SIKE1: variants seen among roughly 807,000 people sequenced by gnomAD.
SIKE1 encodes suppressor of IKK epsilon.
A neutral mutation model predicts 25.8 loss-of-function variants in SIKE1; 13 were observed. The ratio of observed to expected loss-of-function variants is 0.50; its 90% CI spans 0.33 to 0.80. SIKE1 has a LOEUF of 0.80. SIKE1 is among the 30% of genes least tolerant of loss of function. The pLI, the probability that SIKE1 is intolerant of heterozygous loss-of-function variation, is 0.02. For missense variants in SIKE1, 222 were observed against 252.4 expected (o/e 0.88, Z 0.82); for synonymous variants, 86 against 95.5 (o/e 0.90, Z 0.58).
Position 114,779,198 on chromosome 1 carries a change from C to T in SIKE1, c.352G>A (p.Ala118Thr). The change falls in exon 3 of 5, where the codon GCT becomes ACT. Residue 118 changes from alanine to threonine, a missense_variant. Transcript: ENST00000060969. ...GGTTCAGCATCCACCGCTTTTTTAG[C>T]AACCATTAACTGTAACATCTGTTTC... ...YRKQMLQLMV[A>T]KKAVDAEPVL... 1 of 1,614,200 alleles carries T rather than the reference C, an allele frequency of 6.2e-7. No individual in the cohort carries two copies. The highest frequency in any genetic ancestry group is 8.5e-7 in the Non-Finnish European group (1 of 1,180,032).
rs1662140695 is a variant in SIKE1, at chr1:114,774,041, A to C, written c.*230T>G. The C allele has an allele frequency of 2.9e-6, 1 of 344,076 alleles. No individual in the cohort carries two copies. The highest frequency in any genetic ancestry group is 5.2e-6 in the Non-Finnish European group (1 of 191,314). 21.3% of individuals were successfully genotyped at this position (344,076 alleles called of 1,614,324 possible). On this transcript the variant is annotated 3_prime_UTR_variant, in exon 5 of 5. Transcript: ENST00000060969. ...ATCAAGGTCCCAGAAATGAAAATTA[A>C]AAGTAGTCTCTTTGAGAAAGGAATG...
In SIKE1 at chr1:114,780,632, G is replaced by A. The variant is rs1413219653; in HGVS notation, c.-25C>T. On this transcript the variant is annotated 5_prime_UTR_variant, in exon 1 of 5. Transcript: ENST00000060969. ...TAGCAGCAGCACCACCCCAGCCCCT[G>A]CCGGGCTCAGCTACGCGACTCGCTC... The A allele has an allele frequency of 1.9e-6, 3 of 1,570,424 alleles. No homozygotes were observed. Among genetic ancestry groups the A allele is most frequent in the Non-Finnish European group, 2.6e-6 (3 of 1,153,412 alleles).
chr1:114,778,815 C>T (rs1662322314), intron 3 of SIKE1: 1 of 294,792 alleles, frequency 3.4e-6, no homozygotes, highest in East Asian at 7.6e-5. Context: ...CGCTTGAGCC[C>T]AGGAGTTTCA....
In SIKE1 at chr1:114,772,043, T is replaced by C. The variant is rs1476500548; in HGVS notation, c.*2228A>G. ...GCATAAGGTATTAATATAAGAATTATACATAAGATATTGATATAATACTAC... is the reference window on the plus strand; with the variant it reads ...GCATAAGGTATTAATATAAGAATTACACATAAGATATTGATATAATACTAC... On this transcript the variant is annotated 3_prime_UTR_variant, in exon 5 of 5. Coordinates refer to ENST00000060969, the MANE Select transcript of SIKE1 (RefSeq NM_025073.3). 1 of 152,156 alleles carries C rather than the reference T, an allele frequency of 6.6e-6. No homozygotes were observed. Among genetic ancestry groups the C allele is most frequent in the Non-Finnish European group, 1.5e-5 (1 of 68,012 alleles). The allele number at this position is 152,156 out of a possible 1,614,324, so 9.4% of individuals were successfully genotyped here.
At position 114,780,458 on chromosome 1, in the gene SIKE1, A is replaced by C. The variant is rs915416531; in HGVS notation, c.150T>G (p.Leu50=). The C allele has an allele frequency of 2.2e-5, 36 of 1,612,864 alleles. No homozygotes were observed. The highest frequency in any genetic ancestry group is 3.0e-5 in the Non-Finnish European group (35 of 1,180,026). Residue 50 remains leucine (L), a synonymous_variant, in exon 1 of 5, where the codon CTT becomes CTG. Transcript: ENST00000060969. The part of the protein sequence containing the change: ...VAAMREAGTA[L]PDQYQEDASD... Reference sequence around the variant, plus strand: ...CTACCCTCTGCCTGACCTGGTCCGGAAGCGCTGTCCCCGCCTCCCGCATAG... The same window carrying C: ...CTACCCTCTGCCTGACCTGGTCCGGCAGCGCTGTCCCCGCCTCCCGCATAG...
In SIKE1 at chr1:114,780,549, C is replaced by G. The variant is rs746961345; in HGVS notation, c.59G>C (p.Arg20Pro). 1 of 1,613,698 alleles carries G rather than the reference C, an allele frequency of 6.2e-7. No homozygotes were observed. The highest frequency in any genetic ancestry group is 8.5e-7 in the Non-Finnish European group (1 of 1,180,020). The change falls in exon 1 of 5, where the codon CGG becomes CCG. Residue 20 changes from arginine to proline, a missense_variant. Physicochemically the swap from Arg to Pro is moderately radical, Grantham distance 103. Transcript: ENST00000060969. ...CGACTCGGCGGCCGCATCGTGCTCC[C>G]GTAGCCTCTCCAGCAGCGTCTTGGC... Reference protein sequence around the residue: ...TDAKTLLERLREHDAAAESLV... With the variant: ...TDAKTLLERLPEHDAAAESLV...
At position 114,780,109 on chromosome 1, in the gene SIKE1, CCT is replaced by C. The variant is rs760246948; in HGVS notation, c.264_265del (p.Glu89AlafsTer30). On this transcript the variant is annotated frameshift_variant and splice_region_variant, in exon 2 of 5. Transcript: ENST00000060969. LOFTEE classifies it high-confidence loss of function. ...ACCAGATATGAAAAGGCCTGACTAA[CCT>C]CTGTTTTCCTGTTGCAAGTCTCTAA... 6 of 1,604,850 alleles carry C rather than the reference CCT, an allele frequency of 3.7e-6. No homozygotes were observed. Among genetic ancestry groups the C allele is most frequent in the South Asian group, 3.3e-5 (3 of 90,490 alleles).
intron 2 of SIKE1, 133 bp from the exon 3 acceptor site, chr1:114,779,417 C>A: frequency 2.2e-6 from 2 of 892,694 alleles, no homozygotes; most frequent in Non-Finnish European, 3.3e-6. Flanking sequence ...TTTAAGTCCG[C>A]AAAACTGAAC....
In SIKE1 at chr1:114,773,940, T is replaced by C. The variant is rs1292936493; in HGVS notation, c.*331A>G. On this transcript the variant is annotated 3_prime_UTR_variant, in exon 5 of 5. Coordinates refer to ENST00000060969, the MANE Select transcript of SIKE1 (RefSeq NM_025073.3). The stretch of plus-strand genomic sequence containing the variant: ...ATTTTACAATGCTATGTAAAATAAA[T>C]TGCTGGCTTATAAAAAATGCTCAAA... 3 of 180,594 alleles carry C rather than the reference T, an allele frequency of 1.7e-5. No individual in the cohort carries two copies. The East Asian group carries it at 3.8e-4, about 23-fold the overall frequency. 11.2% of individuals were successfully genotyped at this position (180,594 alleles called of 1,614,324 possible).
At chr1:114,777,020 A>G in intron 3 of SIKE1, among the ~76,000 whole-genome samples, 1 of 152,188 alleles carries the variant, frequency 6.6e-6, no homozygotes, top group East Asian at 1.9e-4. Flanking sequence ...CAAACACCGC[A>G]TGTTCTCACT....
At chr1:114,779,373 A>G in intron 2 of SIKE1, 89 bp from the exon 3 acceptor site, 1 of 1,268,500 alleles carries the variant, frequency 7.9e-7, no homozygotes, top group South Asian at 1.4e-5. Context: ...GTAACACTAT[A>G]TAGATAATAT....
rs1350201529 is a variant in SIKE1, at chr1:114,772,671, TG to T, written c.*1599del. Reference sequence around the variant, plus strand: ...TGGTATAGAGTACCTGCCTCTTGAATGGATTTATGGGGTCACTTAAGGTATA... The same window carrying T: ...TGGTATAGAGTACCTGCCTCTTGAATGATTTATGGGGTCACTTAAGGTATA... On this transcript the variant is annotated 3_prime_UTR_variant, in exon 5 of 5. Coordinates refer to ENST00000060969, the MANE Select transcript of SIKE1 (RefSeq NM_025073.3). 2 of 152,162 alleles carry T rather than the reference TG, an allele frequency of 1.3e-5. No individual in the cohort carries two copies. The highest frequency in any genetic ancestry group is 4.8e-5 in the African/African-American group (2 of 41,454). The allele number at this position is 152,162 out of a possible 1,614,324, so 9.4% of individuals were successfully genotyped here. A position where few individuals can be genotyped will look rare whatever the true frequency, so the allele number is the denominator to read the frequency against.
intron 2 of SIKE1, among the ~76,000 whole-genome samples, chr1:114,779,680 C>T (rs2101135229): frequency 6.6e-6 from 1 of 152,312 alleles, no homozygotes; most frequent in Middle Eastern, 3.4e-3. Context: ...ATTAATACCA[C>T]AATCATTAAT....
intron 4 of SIKE1, among the ~76,000 whole-genome samples, chr1:114,774,784 T>C (rs1376250691): frequency 6.6e-6 from 1 of 152,168 alleles, no homozygotes; most frequent in Non-Finnish European, 1.5e-5. Context: ...TATCTTACAG[T>C]TCTAGAGAAA....
rs1662087204 is a variant in SIKE1, at chr1:114,772,171, T to C, written c.*2100A>G. The C allele has an allele frequency of 8.5e-5, 13 of 152,330 alleles. No homozygotes were observed. The South Asian group carries it at 2.7e-3, about 32-fold the overall frequency. 9.4% of individuals were successfully genotyped at this position (152,330 alleles called of 1,614,324 possible). On this transcript the variant is annotated 3_prime_UTR_variant, in exon 5 of 5. Coordinates refer to ENST00000060969, the MANE Select transcript of SIKE1 (RefSeq NM_025073.3). Reference sequence around the variant, plus strand: ...TGAGGACCACTTGACAAGGTTGCTATATATATGTAAAAAAACCCTCTGCAC... The same window carrying C: ...TGAGGACCACTTGACAAGGTTGCTACATATATGTAAAAAAACCCTCTGCAC...
At chr1:114,780,008 C>G in intron 2 of SIKE1, 102 bp downstream of exon 2, 1 of 800,042 alleles carries the variant, frequency 1.2e-6, no homozygotes, top group Non-Finnish European at 2.1e-6. Flanking sequence ...GACTCTCCTA[C>G]TAAAAGTACT....
At chr1:114,775,666 T>C (rs1230719174) in intron 4 of SIKE1, among the ~76,000 whole-genome samples, 1 of 151,996 alleles carries the variant, frequency 6.6e-6, no homozygotes, top group East Asian at 1.9e-4. Flanking sequence ...CCACCACACC[T>C]GGCTAATTTT....
intron 4 of SIKE1, among the ~76,000 whole-genome samples, chr1:114,775,565 T>C (rs1035873294): frequency 4.0e-5 from 6 of 150,644 alleles, no homozygotes; most frequent in Admixed American, 1.3e-4. Flanking sequence ...TGCAGTGGCA[T>C]GCATGATCGT....
At chr1:114,779,380 A>G in intron 2 of SIKE1, 96 bp from the exon 3 acceptor site, 1 of 1,211,464 alleles carries the variant, frequency 8.3e-7, no homozygotes, top group South Asian at 1.5e-5. Context: ...TATATAGATA[A>G]TATGAATCTA....
Sources: gnomAD v4.1 joint callset for allele counts (sites outside exome capture counted in the v4.1 genomes callset) on GRCh38, gnomAD v4.1.1 for gene constraint, MANE v1.5 for transcripts, NCBI Gene and HGNC (gene_info 2026-07-23, HGNC 2026-07-21) for gene names.